The following C10orf90 variants were observed in gnomAD, a reference collection of about 807,000 sequenced individuals.
C10orf90 encodes chromosome 10 open reading frame 90.
Under a neutral mutation model 62.5 loss-of-function variants are expected in C10orf90, and 56 were observed. The observed-to-expected ratio is 0.90, with a 90% CI of 0.72 to 1.12. C10orf90 has a LOEUF of 1.12. Ranked by LOEUF, C10orf90 falls within the 50% of genes most tolerant of loss-of-function variation. The pLI is 0.00. For synonymous variants in C10orf90, 386 were observed against 340.4 expected, an observed-to-expected ratio of 1.13 and a Z score of -1.47; for missense variants, 970 against 880.4, an observed-to-expected ratio of 1.10 and a Z score of -1.29.
At chr10:126,577,258 A>G (rs1385228246) in intron 2 of C10orf90, among the ~76,000 whole-genome samples, 2 of 151,982 alleles carry the variant, frequency 1.3e-5, no homozygotes, top group African/African-American at 2.4e-5. Flanking sequence ...TACCCCATGA[A>G]TATGTACAAT....
chr10:126,589,622 G>C (rs1190862084), intron 2 of C10orf90, among the ~76,000 whole-genome samples: 1 of 152,104 alleles, frequency 6.6e-6, no homozygotes, highest in Non-Finnish European at 1.5e-5. Flanking sequence ...CATAAGCAAA[G>C]GAGAAATAAG....
At chr10:126,471,580 C>G (rs570906924) in intron 4 of C10orf90, among the ~76,000 whole-genome samples, 39 of 152,234 alleles carry the variant, frequency 2.6e-4, no homozygotes, top group South Asian at 1.2e-3. Context: ...TATGCAAATT[C>G]AGTGATCAGA....
chr10:126,576,713 A>ATGTATATG (rs1564879124), intron 2 of C10orf90, among the ~76,000 whole-genome samples: 663 of 32,846 alleles, frequency 0.02, 84 homozygotes, highest in African/African-American at 0.083. Flanking sequence ...ATGTATATAT[A>ATGTATATG]TACAAGATAT....
chr10:126,466,394 A>G (rs750549880), intron 4 of C10orf90, among the ~76,000 whole-genome samples: 1 of 149,320 alleles, frequency 6.7e-6, no homozygotes, highest in Non-Finnish European at 1.5e-5. Context: ...ACACACACAA[A>G]AGAATATTCT....
chr10:126,617,708 C>G (rs1249618432), intron 2 of C10orf90, among the ~76,000 whole-genome samples: 2 of 152,226 alleles, frequency 1.3e-5, no homozygotes, highest in Non-Finnish European at 2.9e-5. Context: ...AGCCCATGTC[C>G]TTGTCTGTGT....
At chr10:126,443,141 G>C (rs1368899845) in intron 7 of C10orf90, among the ~76,000 whole-genome samples, 1 of 151,928 alleles carries the variant, frequency 6.6e-6, no homozygotes, top group Non-Finnish European at 1.5e-5. Flanking sequence ...CCCCAACCCA[G>C]CAGAAGGAAA....
intron 4 of C10orf90, among the ~76,000 whole-genome samples, chr10:126,474,761 C>A (rs951600901): frequency 6.6e-6 from 1 of 152,188 alleles, no homozygotes; most frequent in African/African-American, 2.4e-5. Context: ...AACAAGGGAA[C>A]TTTGGCAACG....
intron 3 of C10orf90, among the ~76,000 whole-genome samples, chr10:126,512,370 G>A (rs1335851782): frequency 3.0e-5 from 2 of 66,806 alleles, no homozygotes; most frequent in African/African-American, 1.3e-4. Flanking sequence ...GTGTATGTGT[G>A]TCTGTGTGTG....
intron 2 of C10orf90, among the ~76,000 whole-genome samples, chr10:126,556,812 A>G (rs1864783768): frequency 1.3e-5 from 2 of 152,028 alleles, no homozygotes; most frequent in Non-Finnish European, 2.9e-5. Context: ...TGTAGACATC[A>G]TGAAGTTCAA....
rs1338405771 is a variant in C10orf90, at chr10:126,527,376, T to C, written c.314-13437A>G. ...CCTTTCTTCTTTGGAAAAATGTCTATCCAGATCCTTTGCTCATTTTATAAC... is the reference window on the plus strand; with the variant it reads ...CCTTTCTTCTTTGGAAAAATGTCTACCCAGATCCTTTGCTCATTTTATAAC... On this transcript the variant is annotated intron_variant, in intron 2 of 9. Coordinates refer to ENST00000488181, the MANE Select transcript of C10orf90 (RefSeq NM_001350921.2). 2.6e-5 allele frequency among the ~76,000 whole-genome samples: 4 copies of C among 152,366 alleles called. No homozygotes were observed. The East Asian group carries it at 7.7e-4, about 29-fold the overall frequency.
At chr10:126,639,749 C>T (rs1024853845) in intron 2 of C10orf90, among the ~76,000 whole-genome samples, 6 of 152,208 alleles carry the variant, frequency 3.9e-5, no homozygotes, top group South Asian at 2.1e-4. Flanking sequence ...ATATAGACTG[C>T]GAAATCTGCA....
chr10:126,436,746 C>T (rs373338635), intron 7 of C10orf90, among the ~76,000 whole-genome samples: 2 of 152,132 alleles, frequency 1.3e-5, no homozygotes, highest in Admixed American at 6.6e-5. Context: ...ACTGCAGCCT[C>T]GACCTCTCAG....
chr10:126,576,717 A>AAGATATACATATATATGTATATGT (rs1844627478), intron 2 of C10orf90, among the ~76,000 whole-genome samples: 1 of 42,144 alleles, frequency 2.4e-5, no homozygotes, highest in East Asian at 4.8e-4. Context: ...ATATATATAC[A>AAGATATACATATATATGTATATGT]AGATATACAT....
intron 1 of C10orf90, among the ~76,000 whole-genome samples, chr10:126,654,082 A>G (rs970713032): frequency 5.9e-5 from 9 of 152,352 alleles, no homozygotes; most frequent in African/African-American, 1.9e-4. Flanking sequence ...TAGAGCACAG[A>G]CAGAGTAGAT....
rs941620867 is a variant in C10orf90 at position 126,453,017 on chromosome 10, G to T, written c.2188+6023C>A. On this transcript the variant is annotated intron_variant, in intron 7 of 9. Coordinates refer to ENST00000488181, the MANE Select transcript of C10orf90 (RefSeq NM_001350921.2). The surrounding 1 kb of genome is among the most constrained non-coding windows in gnomAD (Gnocchi z 4.9). ...TATTACTGAGATAACTGCCACCTCT[G>T]TCTCCTGTCTCCTGGGTCGCATCTT... Among the ~76,000 whole-genome samples the T allele has an allele frequency of 6.6e-6, 1 of 152,164 alleles. No homozygotes were observed. The highest frequency in any genetic ancestry group is 1.5e-5 in the Non-Finnish European group (1 of 68,044).
chr10:126,569,923 A>AAAG (rs1031232670), intron 2 of C10orf90, among the ~76,000 whole-genome samples: 1 of 152,206 alleles, frequency 6.6e-6, no homozygotes, highest in African/African-American at 2.4e-5. Context: ...AAAGAAAAGA[A>AAAG]AAGAAAAGAA....
chr10:126,502,630 A>C (rs1478592094), intron 4 of C10orf90: 1 of 294,468 alleles, frequency 3.4e-6, no homozygotes, highest in Non-Finnish European at 6.8e-6. Flanking sequence ...ATAAATCCAA[A>C]TTATTATTTC....
chr10:126,585,757 C>T (rs566960981), intron 2 of C10orf90, among the ~76,000 whole-genome samples: 2 of 152,260 alleles, frequency 1.3e-5, no homozygotes, highest in East Asian at 1.9e-4. Context: ...CAGATAACAG[C>T]GCTTTCAGTC....
At chr10:126,598,353 C>T (rs921354354) in intron 2 of C10orf90, among the ~76,000 whole-genome samples, 5 of 152,218 alleles carry the variant, frequency 3.3e-5, no homozygotes, top group Non-Finnish European at 5.9e-5. Context: ...GTCTGGCATG[C>T]TTCTCGTGGA....
Sources: allele counts gnomAD v4.1 joint callset (sites outside exome capture counted in the v4.1 genomes callset), GRCh38; gene constraint gnomAD v4.1.1; non-coding constraint Gnocchi (gnomAD v3.1); transcripts MANE v1.5; gene names NCBI Gene and HGNC (gene_info 2026-07-23, HGNC 2026-07-21).